The following C5orf24 variants were observed in gnomAD, a reference collection of about 807,000 sequenced individuals.
C5orf24 encodes the protein chromosome 5 open reading frame 24, also known as UPF0461 protein C5orf24.
In C5orf24, 4 loss-of-function variants were observed where a neutral mutation model predicts 9.8. The ratio of observed to expected loss-of-function variants is 0.41; its 90% confidence interval spans 0.20 to 0.93. The LOEUF is 0.93. C5orf24 is among the 40% of genes least tolerant of loss of function. The probability of loss-of-function intolerance (pLI) is 0.33; values close to 1 mark genes in which losing one functional copy is unlikely to be tolerated. For missense variants in C5orf24, 170 were observed against 236.9 expected (o/e 0.72, Z 1.85); for synonymous variants, 73 against 81.3 (o/e 0.90, Z 0.55).
chr5:134,844,131 CAA>C (rs1308515785), upstream of C5orf24, among the ~76,000 whole-genome samples: 2 of 152,022 alleles, frequency 1.3e-5, no homozygotes, highest in Non-Finnish European at 2.9e-5. Flanking sequence ...CCATTTCAGA[CAA>C]GAGTTTAGAG....
At chr5:134,853,638 T>TA (rs1756228269) in intron 1 of C5orf24, among the ~76,000 whole-genome samples, 2 of 150,730 alleles carry the variant, frequency 1.3e-5, no homozygotes, top group South Asian at 4.2e-4. Context: ...CAGCCTCCCT[T>TA]ATAGCTGATG....
chr5:134,839,791 G>A, the C5orf24 span, among the ~76,000 whole-genome samples: 5 of 150,898 alleles, frequency 3.3e-5, no homozygotes, highest in Admixed American at 6.6e-5. Context: ...CCAGGTTCAA[G>A]CAGTTCTCGT....
chr5:134,836,495 C>G, the C5orf24 span, among the ~76,000 whole-genome samples: 1 of 150,860 alleles, frequency 6.6e-6, no homozygotes, highest in African/African-American at 2.4e-5. Flanking sequence ...CTTTCTAAAT[C>G]TCATCCTTTC....
chr5:134,854,005 A>T (rs1426993258), intron 1 of C5orf24, among the ~76,000 whole-genome samples: 1 of 152,156 alleles, frequency 6.6e-6, no homozygotes, highest in African/African-American at 2.4e-5. Flanking sequence ...ACTTGAACCC[A>T]GGAGGCGGAA....
At chr5:134,834,958 C>T in the C5orf24 span, among the ~76,000 whole-genome samples, 1 of 151,548 alleles carries the variant, frequency 6.6e-6, no homozygotes, top group Non-Finnish European at 1.5e-5. Flanking sequence ...GCAGGAGAAT[C>T]ACTTGAACCT....
intron 1 of C5orf24, among the ~76,000 whole-genome samples, chr5:134,853,271 G>A (rs1756210445): frequency 6.6e-6 from 1 of 151,292 alleles, no homozygotes; most frequent in Non-Finnish European, 1.5e-5. Flanking sequence ...TGAGGCAGGA[G>A]AATCGCTTGA....
At position 134,856,514 on chromosome 5, in the gene C5orf24, G is replaced by A. The variant is rs1181574154; in HGVS notation, c.*1047G>A. ...AAATTAGCCAGGCGTGGTGGCGGGC[G>A]CCTGTAATCCAAGCTACTGGGGAGG... On this transcript the variant is annotated 3_prime_UTR_variant, in exon 2 of 2. Coordinates refer to ENST00000394976, the MANE Select transcript of C5orf24 (RefSeq NM_001135586.1). The A allele has an allele frequency of 9.1e-5, 26 of 285,548 alleles. No individual in the cohort carries two copies. The highest frequency in any genetic ancestry group is 1.6e-4 in the African/African-American group (7 of 43,662). The allele number at this position is 285,548 out of a possible 1,614,324, so 17.7% of individuals were successfully genotyped here. A position where few individuals can be genotyped will look rare whatever the true frequency, so the allele number is the denominator to read the frequency against.
chr5:134,850,937 T>TATATATATATATACAC (rs762710710), intron 1 of C5orf24, among the ~76,000 whole-genome samples: 1 of 146,992 alleles, frequency 6.8e-6, no homozygotes, highest in African/African-American at 2.5e-5. Flanking sequence ...TATATATATA[T>TATATATATATATACAC]ACACACACAC....
chr5:134,856,220 T>C lies in C5orf24; in HGVS notation c.*753T>C. ...TATTTTATAAAAACTGCACATTACA[T>C]TTTTGGTGAAATATAGTGCATTCTG... On this transcript the variant is annotated 3_prime_UTR_variant, in exon 2 of 2. Coordinates refer to ENST00000394976, the MANE Select transcript of C5orf24 (RefSeq NM_001135586.1). The C allele has an allele frequency of 1.0e-6, 1 of 991,956 alleles. No individual in the cohort carries two copies. The highest frequency in any genetic ancestry group is 1.2e-6 in the Non-Finnish European group (1 of 822,462). The allele number at this position is 991,956 out of a possible 1,614,324, so 61.4% of individuals were successfully genotyped here.
rs1756371445 is a variant in C5orf24, at chr5:134,858,583, CTG to C, written c.*3118_*3119del. 1.8e-5 allele frequency: 3 copies of C among 166,906 alleles called. No individual in the cohort carries two copies. The South Asian group carries it at 6.2e-4, about 35-fold the overall frequency. 10.3% of individuals were successfully genotyped at this position (166,906 alleles called of 1,614,324 possible). On this transcript the variant is annotated 3_prime_UTR_variant, in exon 2 of 2. Coordinates refer to ENST00000394976, the MANE Select transcript of C5orf24 (RefSeq NM_001135586.1). ...TAGGTTTCATTATTCTATATTTAAACTGTTGGTCAGAAAATGATCTGCAATTC... is the reference window on the plus strand; with the variant it reads ...TAGGTTTCATTATTCTATATTTAAACTTGGTCAGAAAATGATCTGCAATTC...
In C5orf24 at chr5:134,857,116, G is replaced by T; in HGVS notation, c.*1649G>T. 5.7e-6 allele frequency: 7 copies of T among 1,220,486 alleles called. No individual in the cohort carries two copies. The highest frequency in any genetic ancestry group is 3.7e-5 in the East Asian group (1 of 26,850). The allele number at this position is 1,220,486 out of a possible 1,614,324, so 75.6% of individuals were successfully genotyped here. A position where few individuals can be genotyped will look rare whatever the true frequency, so the allele number is the denominator to read the frequency against. ...CTTCTTGTTACACATTTTATTTATT[G>T]AGTTTGTTCTAAATAAAATATTATA... On this transcript the variant is annotated 3_prime_UTR_variant, in exon 2 of 2. Transcript: ENST00000394976.
upstream of C5orf24, among the ~76,000 whole-genome samples, chr5:134,843,960 A>G (rs773174360): frequency 6.6e-6 from 1 of 152,224 alleles, no homozygotes; most frequent in Non-Finnish European, 1.5e-5. Context: ...TGGAGCAATG[A>G]CTTGCCCAAA....
At position 134,858,623 on chromosome 5, in the gene C5orf24, ATTAC is replaced by A. The variant is rs1756372133; in HGVS notation, c.*3159_*3162del. The A allele has an allele frequency of 6.0e-6, 1 of 167,010 alleles. No homozygotes were observed. The highest frequency in any genetic ancestry group is 1.5e-5 in the Non-Finnish European group (1 of 68,098). The allele number at this position is 167,010 out of a possible 1,614,324, so 10.3% of individuals were successfully genotyped here. ...TGATCTGCAATTCAAGTAAGTCTGC[ATTAC>A]TTTTTTCTTTAAAAAGTACTTTAAC... On this transcript the variant is annotated 3_prime_UTR_variant, in exon 2 of 2. Coordinates refer to ENST00000394976, the MANE Select transcript of C5orf24 (RefSeq NM_001135586.1).
At chr5:134,839,222 C>G in the C5orf24 span, among the ~76,000 whole-genome samples, 13 of 151,354 alleles carry the variant, frequency 8.6e-5, no homozygotes, top group Non-Finnish European at 1.0e-4. Context: ...AAAACCCAAT[C>G]TGAGTTAATT....
At position 134,854,192 on chromosome 5, in the gene C5orf24, G is replaced by A. The variant is rs906185961; in HGVS notation, c.-3-706G>A. Among the ~76,000 whole-genome samples the A allele has an allele frequency of 2.6e-4, 40 of 152,152 alleles. 1 individual carries two copies. The highest frequency in any genetic ancestry group is 2.6e-3 in the Admixed American group (40 of 15,276). ...CTCATTTTAGCTAATGGAAACCTTT[G>A]TTTACCTTTTGTATTGGTACTGCCT... On this transcript the variant is annotated intron_variant, in intron 1 of 1. Coordinates refer to ENST00000394976, the MANE Select transcript of C5orf24 (RefSeq NM_001135586.1).
intron 1 of C5orf24, among the ~76,000 whole-genome samples, chr5:134,849,207 A>G (rs1756084967): frequency 6.6e-6 from 1 of 152,090 alleles, no homozygotes; most frequent in Admixed American, 6.6e-5. Flanking sequence ...GTGAGCCAAG[A>G]TCAAGTCACT....
At position 134,846,189 on chromosome 5, in the gene C5orf24, G is replaced by C. The variant is rs1354629868; in HGVS notation, c.-27G>C. 6.6e-6 allele frequency: 1 copy of C among 152,378 alleles called. No homozygotes were observed. The highest frequency in any genetic ancestry group is 2.4e-5 in the African/African-American group (1 of 41,454). 9.4% of individuals were successfully genotyped at this position (152,378 alleles called of 1,614,324 possible). On this transcript the variant is annotated 5_prime_UTR_variant, in exon 1 of 2. Transcript: ENST00000394976. ...GCTGGGAAGCCCCTAGACGCGCCGA[G>C]GGGCCGGGCTACGAGCGGCTGAGGT...
upstream of C5orf24, among the ~76,000 whole-genome samples, chr5:134,842,021 T>C (rs75472807): frequency 6.6e-6 from 1 of 152,106 alleles, no homozygotes; most frequent in Non-Finnish European, 1.5e-5. Context: ...GGTCAAATTT[T>C]AGAAGTTTAT....
chr5:134,854,572 TAGAAG>T (rs1299606083), intron 1 of C5orf24, among the ~76,000 whole-genome samples: 4 of 152,262 alleles, frequency 2.6e-5, no homozygotes, highest in Admixed American at 2.0e-4. Context: ...TTTAGTAATC[TAGAAG>T]AGAAAAGCCC....
Sources: allele counts gnomAD v4.1 joint callset (sites outside exome capture counted in the v4.1 genomes callset), GRCh38; gene constraint gnomAD v4.1.1; transcripts MANE v1.5; gene names NCBI Gene and HGNC (gene_info 2026-07-23, HGNC 2026-07-21).